LRBA: variants seen among roughly 807,000 people sequenced by gnomAD.
LRBA encodes the protein lipopolysaccharide-responsive and beige-like anchor protein.
In LRBA, 176 loss-of-function variants were observed where a neutral mutation model predicts 330.0. The ratio of observed to expected loss-of-function variants is 0.53; its 90% CI spans 0.47 to 0.60. LRBA has a LOEUF of 0.60. LRBA is among the 20% of genes least tolerant of loss of function. LRBA has a pLI of 0.00. For synonymous variants in LRBA, 1,230 were observed against 1,193.0 expected, an observed-to-expected ratio of 1.03 and a Z score of -0.64; for missense variants, 3,259 against 3,444.8, an observed-to-expected ratio of 0.95 and a Z score of 1.35.
Position 150,285,973 on chromosome 4 carries a change from C to G in LRBA, c.8079G>C (p.Ala2693=). The G allele has an allele frequency of 6.3e-7, 1 of 1,599,576 alleles. No individual in the cohort carries two copies. Among genetic ancestry groups the G allele is most frequent in the East Asian group, 2.3e-5 (1 of 44,138 alleles). Residue 2693 remains alanine, a synonymous_variant, in exon 54 of 57, where the codon GCG becomes GCC. Transcript: ENST00000651943. The stretch of plus-strand genomic sequence containing the variant: ...ACACCAGGCCTAGCTCCGCACACAC[C>G]GCAGCACATGTGACCTCATAGTCAT... ...TGHDYEVTCA[A]VCAELGLVLS...
chr4:150,794,348 T>C (rs1293975748), intron 34 of LRBA, among the ~76,000 whole-genome samples: 2 of 151,990 alleles, frequency 1.3e-5, no homozygotes, highest in East Asian at 1.9e-4. Flanking sequence ...AAAATATTCA[T>C]CTATAAAATC....
chr4:150,961,837 T>C (rs1040941991), intron 2 of LRBA, among the ~76,000 whole-genome samples: 1 of 149,644 alleles, frequency 6.7e-6, no homozygotes, highest in Admixed American at 6.6e-5. Flanking sequence ...TATCACACCA[T>C]AATAATAGCA....
At chr4:150,966,298 T>C (rs1443011210) in intron 2 of LRBA, among the ~76,000 whole-genome samples, 1 of 151,924 alleles carries the variant, frequency 6.6e-6, no homozygotes, top group Non-Finnish European at 1.5e-5. Flanking sequence ...TTGTTTTGTA[T>C]TGCTAGTTCA....
At chr4:150,317,346 T>C (rs1474400422) in intron 50 of LRBA, among the ~76,000 whole-genome samples, 2 of 152,162 alleles carry the variant, frequency 1.3e-5, no homozygotes, top group African/African-American at 2.4e-5. Context: ...TACTCTGTCA[T>C]AGTTTCTCCA....
At chr4:150,590,601 G>A in intron 39 of LRBA, 112 bp downstream of exon 39, 1 of 844,800 alleles carries the variant, frequency 1.2e-6, no homozygotes, top group East Asian at 2.5e-5. Flanking sequence ...ACCAATTAAT[G>A]TAATTGTGGG....
Position 150,806,275 on chromosome 4 carries a change from T to C in LRBA, c.5514A>G (p.Gly1838=). ...GSHGQELLIE[G]TSLVCMKSSS... is the part of the protein sequence containing the mutation. ...AAATAAAGAAAAACCACTTACTTGT[T>C]CCTTCTATAAGCAGTTCTTGTCCAT... Residue 1838 remains glycine, a synonymous_variant, in exon 33 of 57, where the codon GGA becomes GGG. Transcript: ENST00000651943. The C allele has an allele frequency of 1.3e-6, 2 of 1,567,436 alleles. No homozygotes were observed. The highest frequency in any genetic ancestry group is 1.7e-4 in the Middle Eastern group (1 of 5,900).
chr4:150,896,428 T>G lies in LRBA; in HGVS notation c.2033A>C (p.Gln678Pro). ...KDSGVKEDEL[Q>P]AILNYLLTMH... ...AGTCAGTAGGTAATTAAGAATGGCC[T>G]GTAATTCATCTTCCTTTACTCCAGA... The change falls in exon 16 of 57, where the codon CAG becomes CCG. Residue 678 changes from glutamine to proline, a missense_variant. Transcript: ENST00000651943. 1 of 1,547,174 alleles carries G rather than the reference T, an allele frequency of 6.5e-7. No individual in the cohort carries two copies. Among genetic ancestry groups the G allele is most frequent in the South Asian group, 1.2e-5 (1 of 86,124 alleles).
chr4:150,853,004 T>C, intron 22 of LRBA, 61 bp from the exon 23 acceptor site: 1 of 903,852 alleles, frequency 1.1e-6, no homozygotes, highest in Non-Finnish European at 1.6e-6. Context: ...GAATACAAAA[T>C]ATAAAACTAA....
At chr4:150,326,608 T>C (rs1733300870) in intron 48 of LRBA, among the ~76,000 whole-genome samples, 1 of 152,168 alleles carries the variant, frequency 6.6e-6, no homozygotes, top group African/African-American at 2.4e-5. Flanking sequence ...CAACCACCCA[T>C]CATGGGAAAC....
intron 40 of LRBA, among the ~76,000 whole-genome samples, chr4:150,524,490 T>C (rs1763251926): frequency 6.6e-6 from 1 of 152,182 alleles, no homozygotes; most frequent in Non-Finnish European, 1.5e-5. Flanking sequence ...GATTTCACTG[T>C]GTTCTACCCA....
At chr4:150,373,124 CGTGTGT>C (rs70937397) in intron 47 of LRBA, among the ~76,000 whole-genome samples, 20,652 of 95,870 alleles carry the variant, frequency 0.22, 2,335 homozygotes, top group East Asian at 0.27. Flanking sequence ...ACTACAATCT[CGTGTGT>C]GTGTGTGTGT....
intron 2 of LRBA, among the ~76,000 whole-genome samples, chr4:150,956,115 G>A (rs1737523667): frequency 6.7e-6 from 1 of 148,792 alleles, no homozygotes; most frequent in African/African-American, 2.6e-5. Context: ...ACAAAAAAAT[G>A]AAATTGACAG....
intron 36 of LRBA, among the ~76,000 whole-genome samples, chr4:150,719,610 A>C (rs564385259): frequency 7.2e-5 from 11 of 152,270 alleles, no homozygotes; most frequent in Admixed American, 5.2e-4. Flanking sequence ...TGGTTCTAGA[A>C]CTGAGGGAGC....
chr4:150,776,902 T>A (rs1737416062), intron 34 of LRBA, among the ~76,000 whole-genome samples: 1 of 152,224 alleles, frequency 6.6e-6, no homozygotes, highest in Admixed American at 6.5e-5. Flanking sequence ...CATATTTTTG[T>A]AACTGGACAA....
intron 40 of LRBA, among the ~76,000 whole-genome samples, chr4:150,534,742 G>C (rs1261295309): frequency 6.6e-6 from 1 of 152,112 alleles, no homozygotes; most frequent in Non-Finnish European, 1.5e-5. Flanking sequence ...AATTGGAAAG[G>C]AATCAATCAA....
At chr4:151,015,696 T>A (rs949870920), upstream of LRBA, 1 of 151,990 alleles carries the variant, frequency 6.6e-6, no homozygotes, top group South Asian at 2.1e-4. Flanking sequence ...CCACTGAAGC[T>A]GCTCCCGGCC....
chr4:150,757,574 T>C (rs1734482839), intron 35 of LRBA, among the ~76,000 whole-genome samples: 1 of 151,976 alleles, frequency 6.6e-6, no homozygotes, highest in Admixed American at 6.6e-5. Context: ...AAAAGGAAAA[T>C]CATTATTATT....
At chr4:150,726,982 A>C (rs1413257722) in intron 36 of LRBA, among the ~76,000 whole-genome samples, 2 of 151,150 alleles carry the variant, frequency 1.3e-5, no homozygotes, top group African/African-American at 4.8e-5. Context: ...TCACGGACAA[A>C]AAAAAAAAAA....
chr4:150,527,795 C>A (rs964345020), intron 40 of LRBA, among the ~76,000 whole-genome samples: 5 of 152,092 alleles, frequency 3.3e-5, no homozygotes, highest in African/African-American at 1.2e-4. Flanking sequence ...AGAATTTGTA[C>A]AATATTTAGA....
Sources: gnomAD v4.1 joint callset for allele counts (sites outside exome capture counted in the v4.1 genomes callset) on GRCh38, gnomAD v4.1.1 for gene constraint, MANE v1.5 for transcripts, NCBI Gene and HGNC (gene_info 2026-07-23, HGNC 2026-07-21) for gene names.